SAMD11: variants seen among roughly 807,000 people sequenced by gnomAD.
SAMD11 encodes sterile alpha motif domain-containing protein 11.
Under a neutral mutation model 64.4 loss-of-function variants are expected in SAMD11, and 77 were observed. That is an observed-to-expected ratio of 1.20 (90% CI 0.99 to 1.44). SAMD11 has a LOEUF of 1.44. SAMD11 is among the 40% of genes most tolerant of loss of function. The pLI, the probability that SAMD11 is intolerant of heterozygous loss-of-function variation, is 0.00. For synonymous variants in SAMD11, 658 were observed against 421.9 expected (o/e 1.56, Z -6.86); for missense variants, 1,402 against 943.3 (o/e 1.49, Z -6.37).
At chr1:935,596 G>C (rs554473193) in intron 4 of SAMD11, among the ~76,000 whole-genome samples, 176 bp from the exon 5 acceptor site, 1 of 152,332 alleles carries the variant, frequency 6.6e-6, no homozygotes, top group South Asian at 2.1e-4. Context: ...CTCGGGTGCT[G>C]CGTGGGTGTG....
intron 3 of SAMD11, 28 bp from the exon 4 acceptor site, chr1:931,011 C>T (rs970354708): frequency 6.2e-7 from 1 of 1,610,660 alleles, no homozygotes; most frequent in African/African-American, 1.3e-5. Flanking sequence ...TCCAGAGCAA[C>T]ATGGACCTTC....
chr1:932,273 G>A (rs1488259799), intron 4 of SAMD11, among the ~76,000 whole-genome samples: 2 of 152,264 alleles, frequency 1.3e-5, no homozygotes, highest in East Asian at 1.9e-4. Flanking sequence ...CCCCGACCCC[G>A]CTCCAGTAAC....
intron 2 of SAMD11, among the ~76,000 whole-genome samples, chr1:928,967 T>C (rs575749492): frequency 4.6e-5 from 7 of 152,156 alleles, no homozygotes; most frequent in Non-Finnish European, 4.4e-5. Context: ...GGAGGAAGTC[T>C]GAGGAGACCC....
intron 7 of SAMD11, among the ~76,000 whole-genome samples, chr1:939,876 C>T (rs1411288550): frequency 4.6e-5 from 7 of 152,098 alleles, no homozygotes; most frequent in Non-Finnish European, 7.4e-5. Context: ...ACTTGGCCAC[C>T]AGGACTCCCC....
At chr1:932,113 A>G (rs1641193863) in intron 4 of SAMD11, among the ~76,000 whole-genome samples, 1 of 152,202 alleles carries the variant, frequency 6.6e-6, no homozygotes, top group Non-Finnish European at 1.5e-5. Flanking sequence ...ACATCTTTAA[A>G]CTTATTTCTA....
intron 2 of SAMD11, among the ~76,000 whole-genome samples, chr1:929,750 G>A (rs531102544): frequency 6.6e-6 from 1 of 152,252 alleles, no homozygotes; most frequent in South Asian, 2.1e-4. Context: ...CGGGACGGAG[G>A]CCTGTCGCAC....
At chr1:930,100 C>G in intron 2 of SAMD11, 55 bp from the exon 3 acceptor site, 2 of 1,514,352 alleles carry the variant, frequency 1.3e-6, no homozygotes, top group South Asian at 2.6e-5. Flanking sequence ...TTCCTCTCCT[C>G]CTGCCCCACC....
Position 935,861 on chromosome 1 carries a change from A to G in SAMD11, c.932A>G (p.Gln311Arg). 1.2e-6 allele frequency: 2 copies of G among 1,613,084 alleles called. No homozygotes were observed. Among genetic ancestry groups the G allele is most frequent in the African/African-American group, 1.3e-5 (1 of 75,036 alleles). Residue 311 changes from glutamine (Q) to arginine (R), a missense_variant, in exon 5 of 14, where the codon CAG (glutamine) becomes CGG (arginine). By Grantham distance (43) the Gln-to-Arg change is conservative. Transcript: ENST00000616016. ...GAGCATCAGAGCCGCTGTGAATTCC[A>G]GAGAGGCAGCCTGGAGATTGGCCTG... ...MPEHQSRCEFQRGSLEIGLRP... is the reference protein window; with the variant it reads ...MPEHQSRCEFRRGSLEIGLRP...
Position 942,826 on chromosome 1 carries a change from C to T in SAMD11, c.1821C>T (p.Pro607=), listed in dbSNP as rs1240642507. 5.4e-5 allele frequency: 83 copies of T among 1,549,306 alleles called. No individual in the cohort carries two copies. The highest frequency in any genetic ancestry group is 6.8e-5 in the Non-Finnish European group (78 of 1,146,782). ...GTCCCGGCCCTGCCTCAGCGCGGCCCAGCGAGTCCAAGGAGATGACGGGGG... is the reference window on the plus strand; with the variant it reads ...GTCCCGGCCCTGCCTCAGCGCGGCCTAGCGAGTCCAAGGAGATGACGGGGG... The part of the protein sequence containing the change: ...KGGPGPASAR[P]SESKEMTGAR... Residue 607 remains proline, a synonymous_variant, in exon 11 of 14, where the codon CCC becomes CCT. Coordinates refer to ENST00000616016, the MANE Select transcript of SAMD11 (RefSeq NM_001385641.1).
At chr1:940,840 G>A (rs900626413) in intron 7 of SAMD11, among the ~76,000 whole-genome samples, 7 of 152,174 alleles carry the variant, frequency 4.6e-5, no homozygotes, top group African/African-American at 2.4e-5. Flanking sequence ...AGGCTCTGTG[G>A]CCTCGGGACG....
At chr1:940,721 C>T (rs771151082) in intron 7 of SAMD11, among the ~76,000 whole-genome samples, 1 of 152,232 alleles carries the variant, frequency 6.6e-6, no homozygotes, top group Non-Finnish European at 1.5e-5. Context: ...AAGCTTTGGC[C>T]AGCCGCGTCT....
At chr1:929,768 G>A (rs928952993) in intron 2 of SAMD11, among the ~76,000 whole-genome samples, 17 of 152,222 alleles carry the variant, frequency 1.1e-4, no homozygotes, top group East Asian at 1.9e-4. Context: ...CACATGGGGT[G>A]GCCCCGACTC....
chr1:942,126 C>A lies in SAMD11; in HGVS notation c.1359-10C>A, dbSNP rs1330199590. ...GGGGGGGACGCCGCTCATTGCGCTG[C>A]CGTCCACAGGGAGCTGCCTCAGCCG... is the stretch of plus-strand genomic sequence containing the variant. On this transcript the variant is annotated splice_polypyrimidine_tract_variant and intron_variant, in intron 8 of 13. Coordinates refer to ENST00000616016, the MANE Select transcript of SAMD11 (RefSeq NM_001385641.1). The A allele has an allele frequency of 8.8e-7, 1 of 1,132,856 alleles. No individual in the cohort carries two copies. Among genetic ancestry groups the A allele is most frequent in the Non-Finnish European group, 1.2e-6 (1 of 821,946 alleles). The allele number at this position is 1,132,856 out of a possible 1,614,324, so 70.2% of individuals were successfully genotyped here.
rs750685323 is a variant in SAMD11 at position 943,023 on chromosome 1, G to A, written c.2018G>A (p.Gly673Asp). 6 of 1,533,408 alleles carry A rather than the reference G, an allele frequency of 3.9e-6. No individual in the cohort carries two copies. In the African/African-American group the frequency reaches 8.4e-5, roughly 21 times the overall value. 95.0% of individuals were successfully genotyped at this position (1,533,408 alleles called of 1,614,324 possible). A position where few individuals can be genotyped will look rare whatever the true frequency, so the allele number is the denominator to read the frequency against. ...GLFPGSTLPL[G>D]FPYAVSPYFH... ...TTCCCAGGGTCCACACTGCCCCTGGGCTTCCCTTATGCCGTCAGCCCCTAC... is the reference window on the plus strand; with the variant it reads ...TTCCCAGGGTCCACACTGCCCCTGGACTTCCCTTATGCCGTCAGCCCCTAC... The change falls in exon 11 of 14, where the codon GGC becomes GAC. Residue 673 changes from glycine (G) to aspartate (D), a missense_variant. By Grantham distance (94) the Gly-to-Asp change is moderately conservative. Coordinates refer to ENST00000616016, the MANE Select transcript of SAMD11 (RefSeq NM_001385641.1).
At chr1:943,509 T>C (rs1053382639) in intron 12 of SAMD11, 132 bp downstream of exon 12, 34 of 925,364 alleles carry the variant, frequency 3.7e-5, no homozygotes, top group Non-Finnish European at 5.2e-5. Flanking sequence ...CAGCAGGGAC[T>C]GGACTGTGCA....
Position 942,147 on chromosome 1 carries a change from A to C in SAMD11, c.1370A>C (p.Gln457Pro). Residue 457 changes from glutamine (Q) to proline (P), a missense_variant, in exon 9 of 14, where the codon CAG becomes CCG. Physicochemically the swap from Gln to Pro is moderately conservative, Grantham distance 76. Coordinates refer to ENST00000616016, the MANE Select transcript of SAMD11 (RefSeq NM_001385641.1). ...APSFSERELPQPPPLLSPQNA... is the reference protein window; with the variant it reads ...APSFSERELPPPPPLLSPQNA... The stretch of plus-strand genomic sequence containing the variant: ...GCTGCCGTCCACAGGGAGCTGCCTC[A>C]GCCGCCCCCCTTGCTGTCGCCGCAG... The C allele has an allele frequency of 7.3e-7, 1 of 1,360,590 alleles. No individual in the cohort carries two copies. Among genetic ancestry groups the C allele is most frequent in the Non-Finnish European group, 9.8e-7 (1 of 1,019,562 alleles). The allele number at this position is 1,360,590 out of a possible 1,614,324, so 84.3% of individuals were successfully genotyped here.
rs992574480 is a variant in SAMD11, at chr1:942,151, GC to G, written c.1380del (p.Leu461CysfsTer103). 26 of 1,371,744 alleles carry G rather than the reference GC, an allele frequency of 1.9e-5. No individual in the cohort carries two copies. The highest frequency in any genetic ancestry group is 4.5e-5 in the African/African-American group (3 of 67,048). The allele number at this position is 1,371,744 out of a possible 1,614,324, so 85.0% of individuals were successfully genotyped here. On this transcript the variant is annotated frameshift_variant, in exon 9 of 14. Transcript: ENST00000616016. LOFTEE classifies it high-confidence loss of function. Reference sequence around the variant, plus strand: ...CCGTCCACAGGGAGCTGCCTCAGCCGCCCCCCTTGCTGTCGCCGCAGAATGC... The same window carrying G: ...CCGTCCACAGGGAGCTGCCTCAGCCGCCCCCTTGCTGTCGCCGCAGAATGC... ...SFSERELPQP[P>X]PLLSPQNAPH... is the part of the protein sequence containing the mutation.
At chr1:927,222 C>G (rs185611440) in intron 2 of SAMD11, among the ~76,000 whole-genome samples, 2 of 152,170 alleles carry the variant, frequency 1.3e-5, no homozygotes, top group South Asian at 4.1e-4. Context: ...CAGACCTACC[C>G]GGGGCAAGAG....
intron 8 of SAMD11, 29 bp from the exon 9 acceptor site, chr1:942,107 G>C (rs772422539): frequency 1.5e-5 from 10 of 682,080 alleles, no homozygotes; most frequent in South Asian, 4.5e-5. Context: ...GGGCGGGGGG[G>C]ACGCCGCTCA....
Sources: gnomAD v4.1 joint callset for allele counts (sites outside exome capture counted in the v4.1 genomes callset) on GRCh38, gnomAD v4.1.1 for gene constraint, MANE v1.5 for transcripts, NCBI Gene and HGNC (gene_info 2026-07-23, HGNC 2026-07-21) for gene names.